MYO10: variants seen among roughly 807,000 people sequenced by gnomAD.
The protein encoded by MYO10 is unconventional myosin-X.
A neutral mutation model predicts 257.3 loss-of-function variants in MYO10; 133 were observed. The ratio of observed to expected loss-of-function variants is 0.52; its 90% CI spans 0.45 to 0.60. The LOEUF (loss-of-function observed/expected upper bound fraction) is 0.60, where lower values mean the gene tolerates loss of function less well. Among genes scored for constraint, MYO10 ranks in the 20% least tolerant of loss-of-function variants. MYO10 has a pLI of 0.00. For synonymous variants in MYO10, 1,104 were observed against 1,028.6 expected (o/e 1.07, Z -1.40); for missense variants, 2,399 against 2,635.7 (o/e 0.91, Z 1.97).
At chr5:16,795,550 G>A (rs405240) in intron 3 of MYO10, among the ~76,000 whole-genome samples, 54,798 of 151,752 alleles carry the variant, frequency 0.36, 10,797 homozygotes, top group Non-Finnish European at 0.44. Context: ...GCAGTGACCC[G>A]AGATAGTGCT....
chr5:16,812,665 G>A (rs1441983912), intron 3 of MYO10, among the ~76,000 whole-genome samples: 1 of 152,166 alleles, frequency 6.6e-6, no homozygotes, highest in Non-Finnish European at 1.5e-5. Context: ...CAAGTTCGAG[G>A]CAGGAACTTT....
intron 2 of MYO10, among the ~76,000 whole-genome samples, chr5:16,855,032 CA>C (rs561731686): frequency 2.0e-4 from 29 of 142,014 alleles, no homozygotes; most frequent in South Asian, 1.1e-3. Context: ...GACTCCATCT[CA>C]AAAAAAAAAA....
At chr5:16,757,311 C>A (rs1295943824) in intron 18 of MYO10, among the ~76,000 whole-genome samples, 1 of 76,624 alleles carries the variant, frequency 1.3e-5, no homozygotes, top group Non-Finnish European at 3.1e-5. Context: ...AACACACACA[C>A]ACACGCACAC....
chr5:16,803,069 C>A (rs1466878864), intron 3 of MYO10, among the ~76,000 whole-genome samples: 1 of 151,886 alleles, frequency 6.6e-6, no homozygotes, highest in Non-Finnish European at 1.5e-5. Context: ...TGCATCACTG[C>A]ACTCCAGCCT....
chr5:16,673,776 G>A lies in MYO10; in HGVS notation c.5078C>T (p.Ala1693Val). 1 of 1,614,010 alleles carries A rather than the reference G, an allele frequency of 6.2e-7. No individual in the cohort carries two copies. The highest frequency in any genetic ancestry group is 8.5e-7 in the Non-Finnish European group (1 of 1,179,906). The change falls in exon 36 of 41, where the codon GCT (alanine) becomes GTT (valine). Residue 1693 changes from alanine to valine, a missense_variant. Ala to Val is a moderately conservative substitution (Grantham distance 64, BLOSUM62 0). This residue lies in a region of MYO10 where 1,820 missense variants were observed against 1,939.4 expected (regional missense o/e 0.94). Transcript: ENST00000513610. ...EFVPSRDEIE[A>V]LIHRQEMTST... Reference sequence around the variant, plus strand: ...TGTCATTTCCTGCCTGTGGATCAGAGCTTCTATTTCATCTCGGGAAGGCAC... The same window carrying A: ...TGTCATTTCCTGCCTGTGGATCAGAACTTCTATTTCATCTCGGGAAGGCAC...
chr5:16,690,339 G>C (rs1185785611), intron 27 of MYO10, among the ~76,000 whole-genome samples: 2 of 152,146 alleles, frequency 1.3e-5, no homozygotes, highest in African/African-American at 2.4e-5. Context: ...GGTGGGGAGT[G>C]GGGTGGTGGT....
At chr5:16,787,292 A>G (rs1278473892) in intron 4 of MYO10, among the ~76,000 whole-genome samples, 2 of 152,146 alleles carry the variant, frequency 1.3e-5, no homozygotes, top group African/African-American at 4.8e-5. Flanking sequence ...CTACTCATAT[A>G]TTGGGCTGTG....
intron 3 of MYO10, among the ~76,000 whole-genome samples, chr5:16,803,531 G>T (rs2126690104): frequency 6.6e-6 from 1 of 152,304 alleles, no homozygotes; most frequent in East Asian, 1.9e-4. Context: ...AGAACAAAAG[G>T]CACTGATATT....
rs185942157 is a variant in MYO10 at position 16,881,131 on chromosome 5, A to T, written c.22-3424T>A. Among the ~76,000 whole-genome samples, 308 of 152,338 alleles carry T rather than the reference A, an allele frequency of 2.0e-3. 1 individual carries two copies. The highest frequency in any genetic ancestry group is 3.4e-3 in the Non-Finnish European group (228 of 68,016). On this transcript the variant is annotated intron_variant, in intron 1 of 40. Coordinates refer to ENST00000513610, the MANE Select transcript of MYO10 (RefSeq NM_012334.3). The stretch of plus-strand genomic sequence containing the variant: ...ACCCCTAGTCCAAAGCTTTCTGTGT[A>T]TTGTGACCATCACTAGCATTGTTTT...
At chr5:16,773,959 G>C (rs944094617) in intron 9 of MYO10, among the ~76,000 whole-genome samples, 4 of 152,032 alleles carry the variant, frequency 2.6e-5, no homozygotes. Flanking sequence ...ACCAGTTCTC[G>C]CCAATGCAGA....
rs1207605466 is a variant in MYO10 at position 16,764,285 on chromosome 5, C to T, written c.1291G>A (p.Gly431Ser). Reference sequence around the variant, plus strand: ...TCAAATCCAAAGATGTCGAGGATGCCAATAGACTTGAAGTCCTCATTGCCT... The same window carrying T: ...TCAAATCCAAAGATGTCGAGGATGCTAATAGACTTGAAGTCCTCATTGCCT... ...IKGNEDFKSI[G>S]ILDIFGFENF... Residue 431 changes from glycine (G) to serine (S), a missense_variant, in exon 12 of 41, where the codon GGC (glycine) becomes AGC (serine). Transcript: ENST00000513610. 1.2e-6 allele frequency: 2 copies of T among 1,613,890 alleles called. No individual in the cohort carries two copies. The highest frequency in any genetic ancestry group is 1.7e-6 in the Non-Finnish European group (2 of 1,179,904).
chr5:16,860,224 C>T (rs955843725), intron 2 of MYO10, among the ~76,000 whole-genome samples: 1 of 152,088 alleles, frequency 6.6e-6, no homozygotes, highest in African/African-American at 2.4e-5. Flanking sequence ...GAGATTTATA[C>T]CATCAGAAAG....
chr5:16,811,479 G>A (rs551903949), intron 3 of MYO10, among the ~76,000 whole-genome samples: 13 of 152,144 alleles, frequency 8.5e-5, no homozygotes, highest in East Asian at 3.9e-4. Flanking sequence ...CGATGAGGCC[G>A]CATCAAGCTC....
At chr5:16,810,390 A>G (rs537777994) in intron 3 of MYO10, among the ~76,000 whole-genome samples, 2 of 151,862 alleles carry the variant, frequency 1.3e-5, no homozygotes, top group Non-Finnish European at 2.9e-5. Flanking sequence ...GCCCTCCCCT[A>G]CTGAATTACT....
At chr5:16,877,415 T>C (rs189522414) in intron 2 of MYO10, among the ~76,000 whole-genome samples, 194 bp downstream of exon 2, 1 of 152,320 alleles carries the variant, frequency 6.6e-6, no homozygotes, top group East Asian at 1.9e-4. Flanking sequence ...CTGTGTTCCA[T>C]TTGAGAGAAC....
intron 15 of MYO10, 133 bp from the exon 16 acceptor site, chr5:16,762,246 T>G: frequency 2.5e-6 from 3 of 1,177,654 alleles, no homozygotes; most frequent in African/African-American, 3.1e-5. Context: ...GATCTGCGTT[T>G]CAGGACACGG....
intron 9 of MYO10, among the ~76,000 whole-genome samples, chr5:16,776,000 A>G (rs1291080277): frequency 6.6e-6 from 1 of 151,960 alleles, no homozygotes; most frequent in Non-Finnish European, 1.5e-5. Context: ...GACTCAAGCC[A>G]TCCTCCCACC....
At chr5:16,850,237 A>T (rs1000704187) in intron 2 of MYO10, among the ~76,000 whole-genome samples, 1 of 152,144 alleles carries the variant, frequency 6.6e-6, no homozygotes, top group African/African-American at 2.4e-5. Context: ...TTAACTTATT[A>T]AATCTGACAC....
chr5:16,796,218 A>C (rs1179640443), intron 3 of MYO10, among the ~76,000 whole-genome samples: 3 of 129,986 alleles, frequency 2.3e-5, no homozygotes, highest in Non-Finnish European at 4.9e-5. Flanking sequence ...GAACAGAGAG[A>C]GAGCGAGAAA....
Sources: gnomAD v4.1 joint callset for allele counts (sites outside exome capture counted in the v4.1 genomes callset) on GRCh38, gnomAD v4.1.1 for gene constraint, gnomAD v4.1.1 regional missense constraint, MANE v1.5 for transcripts, NCBI Gene and HGNC (gene_info 2026-07-23, HGNC 2026-07-21) for gene names.